Variants in ANGPT2 observed in about 807,000 individuals in gnomAD.
The protein encoded by ANGPT2 is angiopoietin 2.
A neutral mutation model predicts 62.9 loss-of-function variants in ANGPT2; 28 were observed. That is an observed-to-expected ratio of 0.44 (90% CI 0.33 to 0.61). The LOEUF (loss-of-function observed/expected upper bound fraction) is 0.61. Ranked by LOEUF, ANGPT2 falls within the 20% of genes least tolerant of loss-of-function variation. ANGPT2 has a pLI of 0.03. For missense variants in ANGPT2, 727 were observed against 594.9 expected, an observed-to-expected ratio of 1.22 and a Z score of -2.31; for synonymous variants, 284 against 207.8, an observed-to-expected ratio of 1.37 and a Z score of -3.15.
At chr8:6,511,558 A>G (rs1046718983) in intron 7 of ANGPT2, among the ~76,000 whole-genome samples, 3 of 152,218 alleles carry the variant, frequency 2.0e-5, no homozygotes, top group Non-Finnish European at 4.4e-5. Flanking sequence ...CTGGGAAAAA[A>G]AAATCCCTTA....
At chr8:6,543,166 G>C (rs1257402199) in intron 1 of ANGPT2, among the ~76,000 whole-genome samples, 1 of 151,860 alleles carries the variant, frequency 6.6e-6, no homozygotes, top group African/African-American at 2.4e-5. Flanking sequence ...CCAAAAAGTT[G>C]AAAGAATTCC....
At chr8:6,554,308 GAA>G (rs10715108) in intron 1 of ANGPT2, among the ~76,000 whole-genome samples, 7 of 143,010 alleles carry the variant, frequency 4.9e-5, no homozygotes, top group African/African-American at 1.8e-4. Context: ...TAAAAAGAGA[GAA>G]AAAAAAAAAT....
At chr8:6,514,188 A>G (rs1011218357) in intron 6 of ANGPT2, among the ~76,000 whole-genome samples, 2 of 152,088 alleles carry the variant, frequency 1.3e-5, no homozygotes, top group Non-Finnish European at 2.9e-5. Flanking sequence ...AAAATAAGCT[A>G]AGTAGTGGCA....
intron 1 of ANGPT2, among the ~76,000 whole-genome samples, chr8:6,535,597 T>C (rs1430879637): frequency 6.6e-6 from 1 of 152,222 alleles, no homozygotes; most frequent in Non-Finnish European, 1.5e-5. Context: ...TATATGTATA[T>C]AGTGTCTATA....
At chr8:6,535,734 A>G (rs1382853153) in intron 1 of ANGPT2, among the ~76,000 whole-genome samples, 3 of 152,188 alleles carry the variant, frequency 2.0e-5, no homozygotes, top group African/African-American at 2.4e-5. Context: ...GTGCAGTAGT[A>G]GATATTTTGT....
chr8:6,532,986 C>G (rs1361054975), intron 1 of ANGPT2, among the ~76,000 whole-genome samples: 1 of 152,214 alleles, frequency 6.6e-6, no homozygotes, highest in Non-Finnish European at 1.5e-5. Context: ...AGAGGAGCAC[C>G]CTTTTGATTT....
chr8:6,554,902 G>A (rs904032363), intron 1 of ANGPT2, among the ~76,000 whole-genome samples: 2 of 152,194 alleles, frequency 1.3e-5, no homozygotes, highest in Non-Finnish European at 2.9e-5. Context: ...TTGTCAAGTG[G>A]TGCAAGGAAG....
intron 1 of ANGPT2, among the ~76,000 whole-genome samples, chr8:6,553,483 G>A (rs1037443129): frequency 4.6e-5 from 7 of 152,020 alleles, no homozygotes; most frequent in African/African-American, 9.7e-5. Context: ...GGCTTCACAC[G>A]TCAACATTTT....
chr8:6,503,314 C>A (rs1812569846), intron 8 of ANGPT2, 53 bp from the exon 9 acceptor site: 2 of 1,596,732 alleles, frequency 1.3e-6, no homozygotes, highest in Non-Finnish European at 1.7e-6. Context: ...CCAGCTCCCA[C>A]CACGAAGACA....
rs1409756297 is a variant in ANGPT2, at chr8:6,502,893, T to C, written c.*208A>G. ...TGTTCTGTCTAATCACAATTATGGA[T>C]GTTTAGGGTCTTGCTTTGGTCCGTT... On this transcript the variant is annotated 3_prime_UTR_variant, in exon 9 of 9. Transcript: ENST00000629816. 5 of 555,154 alleles carry C rather than the reference T, an allele frequency of 9.0e-6. No homozygotes were observed. The highest frequency in any genetic ancestry group is 1.9e-5 in the African/African-American group (1 of 52,704). The allele number at this position is 555,154 out of a possible 1,614,324, so 34.4% of individuals were successfully genotyped here.
Position 6,525,373 on chromosome 8 carries a change from G to C in ANGPT2, c.566+2182C>G, listed in dbSNP as rs117370440. Among the ~76,000 whole-genome samples the C allele has an allele frequency of 1.3e-4, 20 of 152,236 alleles. No homozygotes were observed. In the East Asian group the frequency reaches 3.9e-3, roughly 29 times the overall value. On this transcript the variant is annotated intron_variant, in intron 3 of 8. Transcript: ENST00000629816. ...GCCATCCAAATAGGAGGGATTACAG[G>C]TGTGTGCCACCACATCTGGCTAATT...
chr8:6,513,555 A>C (rs2442629), intron 7 of ANGPT2, 123 bp downstream of exon 7: 63 of 626,588 alleles, frequency 1.0e-4, no homozygotes, highest in African/African-American at 9.7e-4. Context: ...GGATGGTCTC[A>C]ATCTCCTGAC....
chr8:6,535,236 C>G (rs927298396), intron 1 of ANGPT2, among the ~76,000 whole-genome samples: 1 of 152,178 alleles, frequency 6.6e-6, no homozygotes, highest in Non-Finnish European at 1.5e-5. Flanking sequence ...TGCCTTCCCC[C>G]ATTTCTAGAG....
chr8:6,509,947 C>G (rs1279105643), intron 7 of ANGPT2, among the ~76,000 whole-genome samples: 1 of 152,178 alleles, frequency 6.6e-6, no homozygotes, highest in African/African-American at 2.4e-5. Context: ...CATCGTGCCA[C>G]ATATCACTAG....
At chr8:6,559,803 G>A (rs975287274) in intron 1 of ANGPT2, among the ~76,000 whole-genome samples, 4 of 152,216 alleles carry the variant, frequency 2.6e-5, no homozygotes, top group Non-Finnish European at 5.9e-5. Flanking sequence ...TAGCAAGAGA[G>A]ACGTAGCATG....
In ANGPT2 at chr8:6,518,763, T is replaced by G. The variant is rs543656814; in HGVS notation, c.927+1101A>C. ...TGTTGGTTCAATATGTAGCTGCTTT[T>G]ACATTTATATGCAAACATATTTATA... On this transcript the variant is annotated intron_variant, in intron 5 of 8. Coordinates refer to ENST00000629816, the MANE Select transcript of ANGPT2 (RefSeq NM_001118887.2). Among the ~76,000 whole-genome samples, 5 of 152,360 alleles carry G rather than the reference T, an allele frequency of 3.3e-5. No homozygotes were observed. In the East Asian group the frequency reaches 9.6e-4, roughly 29 times the overall value.
At chr8:6,549,459 G>A (rs1248771912) in intron 1 of ANGPT2, among the ~76,000 whole-genome samples, 3 of 152,216 alleles carry the variant, frequency 2.0e-5, no homozygotes, top group Admixed American at 6.5e-5. Flanking sequence ...GGATATTGAC[G>A]AGGAGGGGCC....
chr8:6,529,691 C>G (rs1013152694), intron 2 of ANGPT2, among the ~76,000 whole-genome samples: 1 of 149,280 alleles, frequency 6.7e-6, no homozygotes, highest in Non-Finnish European at 1.5e-5. Flanking sequence ...TCTCGGACTC[C>G]TGATCTCAAG....
chr8:6,558,888 C>T (rs1825070907), intron 1 of ANGPT2, among the ~76,000 whole-genome samples: 1 of 151,982 alleles, frequency 6.6e-6, no homozygotes, highest in African/African-American at 2.4e-5. Flanking sequence ...ACATATCATA[C>T]TATACATATA....
Sources: gnomAD v4.1 joint callset for allele counts (sites outside exome capture counted in the v4.1 genomes callset) on GRCh38, gnomAD v4.1.1 for gene constraint, MANE v1.5 for transcripts, NCBI Gene and HGNC (gene_info 2026-07-23, HGNC 2026-07-21) for gene names.